The following IL1RAPL1 variants were observed in gnomAD, a reference collection of about 807,000 sequenced individuals.
The protein encoded by IL1RAPL1 is interleukin-1 receptor accessory protein-like 1.
A neutral mutation model predicts 48.4 loss-of-function variants in IL1RAPL1; 3 were observed. The observed-to-expected ratio is 0.06, with a 90% CI of 0.03 to 0.16. The LOEUF is 0.16. Ranked by LOEUF, IL1RAPL1 falls within the 10% of genes least tolerant of loss-of-function variation. IL1RAPL1 has a pLI of 1.00. For missense variants in IL1RAPL1, 349 were observed against 530.6 expected (o/e 0.66, Z 3.36); for synonymous variants, 185 against 187.7 (o/e 0.99, Z 0.12).
intron 2 of IL1RAPL1, among the ~76,000 whole-genome samples, chrX:28,945,278 C>A (rs1924268613): frequency 9.0e-6 from 1 of 111,310 alleles, no homozygotes; most frequent in African/African-American, 3.3e-5. Context: ...ATGAATCATT[C>A]TGCTATAAAG....
intron 5 of IL1RAPL1, among the ~76,000 whole-genome samples, chrX:29,409,744 G>T (rs1259528637): frequency 9.3e-6 from 1 of 108,036 alleles, no homozygotes; most frequent in Non-Finnish European, 1.9e-5. Flanking sequence ...ATTAATACAA[G>T]AAAAATTAAA....
intron 5 of IL1RAPL1, among the ~76,000 whole-genome samples, chrX:29,613,615 A>G (rs1048300231): frequency 9.0e-6 from 1 of 110,767 alleles, no homozygotes; most frequent in Non-Finnish European, 1.9e-5. Flanking sequence ...ACAGTTTGCT[A>G]TAAATGATAG....
chrX:29,033,105 C>T (rs1219312047), intron 2 of IL1RAPL1, among the ~76,000 whole-genome samples: 3 of 111,064 alleles, frequency 2.7e-5, no homozygotes, highest in Non-Finnish European at 1.9e-5. Flanking sequence ...AATATGTACT[C>T]CCTTATATTC....
chrX:29,255,456 CTTAA>C (rs1931741590), intron 2 of IL1RAPL1, among the ~76,000 whole-genome samples: 1 of 109,783 alleles, frequency 9.1e-6, no homozygotes, highest in Non-Finnish European at 1.9e-5. Flanking sequence ...CTCTAATCTC[CTTAA>C]TTTTTTAATT....
At chrX:29,264,820 A>G (rs1405121594) in intron 2 of IL1RAPL1, among the ~76,000 whole-genome samples, 1 of 111,368 alleles carries the variant, frequency 9.0e-6, no homozygotes, top group East Asian at 2.8e-4. Context: ...TTTCTTAGCC[A>G]TCCTAGAGTA....
chrX:29,395,543 AAG>A (rs974125337), intron 3 of IL1RAPL1, among the ~76,000 whole-genome samples: 1 of 111,718 alleles, frequency 9.0e-6, no homozygotes, highest in Non-Finnish European at 1.9e-5. Flanking sequence ...AGGAAGAAAA[AAG>A]AGATGCTTAT....
At chrX:29,031,367 G>T (rs920599453) in intron 2 of IL1RAPL1, among the ~76,000 whole-genome samples, 1 of 111,950 alleles carries the variant, frequency 8.9e-6, no homozygotes, top group Non-Finnish European at 1.9e-5. Context: ...ATGGCACTGT[G>T]TGTCTTTAGG....
intron 5 of IL1RAPL1, among the ~76,000 whole-genome samples, chrX:29,458,640 G>A (rs780629539): frequency 9.0e-6 from 1 of 111,438 alleles, no homozygotes; most frequent in East Asian, 2.8e-4. Flanking sequence ...CTAATAAATA[G>A]TTTCTCTTTA....
chrX:29,778,997 A>G (rs1470701898), intron 6 of IL1RAPL1, among the ~76,000 whole-genome samples: 1 of 111,465 alleles, frequency 9.0e-6, no homozygotes, highest in African/African-American at 3.3e-5. Flanking sequence ...TAGATCTAGA[A>G]TGGATCCTGA....
chrX:29,954,441 G>GA, intron 9 of IL1RAPL1, 81 bp from the exon 10 acceptor site: 3 of 829,495 alleles, frequency 3.6e-6, no homozygotes, highest in East Asian at 3.3e-5. Flanking sequence ...AGACGTTTAT[G>GA]AAAAAAAGTG....
chrX:29,023,990 A>G (rs767497093), intron 2 of IL1RAPL1, among the ~76,000 whole-genome samples: 3 of 112,079 alleles, frequency 2.7e-5, no homozygotes, highest in Non-Finnish European at 5.6e-5. Context: ...AGGCTGAATA[A>G]CCAAATAACA....
chrX:28,618,403 C>T (rs778789704), intron 1 of IL1RAPL1, among the ~76,000 whole-genome samples: 7 of 112,314 alleles, frequency 6.2e-5, no homozygotes, highest in East Asian at 2.8e-4. Context: ...ATACACAATA[C>T]GTGGATTACT....
At chrX:28,704,149 T>C (rs1176388930) in intron 1 of IL1RAPL1, among the ~76,000 whole-genome samples, 1 of 111,900 alleles carries the variant, frequency 8.9e-6, no homozygotes, top group Non-Finnish European at 1.9e-5. Flanking sequence ...GTTTTAACCC[T>C]TATTTATTTA....
intron 3 of IL1RAPL1, among the ~76,000 whole-genome samples, chrX:29,395,338 CCT>C (rs1163756509): frequency 2.7e-5 from 3 of 111,490 alleles, no homozygotes; most frequent in African/African-American, 9.8e-5. Context: ...ATATTTTATT[CCT>C]CTCTTTCTTC....
chrX:29,114,870 C>A (rs1014846433), intron 2 of IL1RAPL1, among the ~76,000 whole-genome samples: 1 of 110,961 alleles, frequency 9.0e-6, no homozygotes, highest in Admixed American at 9.6e-5. Context: ...CCTTGTGATT[C>A]GCCCGCCTCT....
chrX:29,775,085 G>A (rs1929161447), intron 6 of IL1RAPL1, among the ~76,000 whole-genome samples: 1 of 111,986 alleles, frequency 8.9e-6, no homozygotes, highest in Non-Finnish European at 1.9e-5. Flanking sequence ...ACAGGAGGCA[G>A]ATACAAAGAC....
chrX:29,350,393 C>T (rs1010311422), intron 3 of IL1RAPL1, among the ~76,000 whole-genome samples: 1 of 102,778 alleles, frequency 9.7e-6, no homozygotes, highest in Non-Finnish European at 2.0e-5. Flanking sequence ...CAGATAACAT[C>T]GTTTTGTTCA....
chrX:28,768,729 GTCTCTCTCTC>G (rs1203182036), intron 1 of IL1RAPL1, among the ~76,000 whole-genome samples: 5 of 50,720 alleles, frequency 9.9e-5, no homozygotes, highest in African/African-American at 3.9e-4. Context: ...CTCTCTCTCT[GTCTCTCTCTC>G]TCTCTCTCTC....
intron 2 of IL1RAPL1, among the ~76,000 whole-genome samples, chrX:28,954,934 C>T (rs2147357655): frequency 9.0e-6 from 1 of 111,586 alleles, no homozygotes; most frequent in Non-Finnish European, 1.9e-5. Flanking sequence ...AGATATATGC[C>T]CATTGCAGTG....
Sources: allele counts gnomAD v4.1 joint callset (sites outside exome capture counted in the v4.1 genomes callset), GRCh38; gene constraint gnomAD v4.1.1; transcripts MANE v1.5; gene names NCBI Gene and HGNC (gene_info 2026-07-23, HGNC 2026-07-21).